The following NPNT variants were observed in gnomAD, a reference collection of about 807,000 sequenced individuals.
The protein encoded by NPNT is preosteoblast EGF-like repeat protein with MAM domain.
In NPNT, 45 loss-of-function variants were observed where a neutral mutation model predicts 68.6. The observed-to-expected ratio is 0.66, with a 90% CI of 0.52 to 0.84. NPNT has a LOEUF of 0.84. Ranked by LOEUF, NPNT falls within the 40% of genes least tolerant of loss-of-function variation. NPNT has a pLI of 0.00. For missense variants in NPNT, 672 were observed against 714.8 expected, an observed-to-expected ratio of 0.94 and a Z score of 0.68; for synonymous variants, 233 against 253.3, an observed-to-expected ratio of 0.92 and a Z score of 0.76.
Position 105,913,004 on chromosome 4 carries a change from A to T in NPNT, c.173-14332A>T, listed in dbSNP as rs150017983. Among the ~76,000 whole-genome samples the T allele has an allele frequency of 2.9e-3, 439 of 152,142 alleles. 1 individual carries two copies. The highest frequency in any genetic ancestry group is 1.0e-2 in the African/African-American group (415 of 41,516). ...AGCCTCAGGCTCCTGAGTAGCTGGG[A>T]TTACAGGCGCCCACCACAATGCCCG... On this transcript the variant is annotated intron_variant, in intron 2 of 11. Coordinates refer to ENST00000379987, the MANE Select transcript of NPNT (RefSeq NM_001033047.3).
intron 7 of NPNT, among the ~76,000 whole-genome samples, chr4:105,941,367 T>C (rs1729940817): frequency 6.6e-6 from 1 of 152,070 alleles, no homozygotes; most frequent in African/African-American, 2.4e-5. Flanking sequence ...AAAAAAGCCA[T>C]TCCCATATTT....
At chr4:105,911,262 A>G (rs1727340161) in intron 2 of NPNT, among the ~76,000 whole-genome samples, 2 of 152,142 alleles carry the variant, frequency 1.3e-5, no homozygotes, top group Admixed American at 1.3e-4. Context: ...TTAAAAATAC[A>G]TAGCAATCAT....
At chr4:105,949,506 T>G (rs1047369960) in intron 8 of NPNT, among the ~76,000 whole-genome samples, 3 of 152,064 alleles carry the variant, frequency 2.0e-5, no homozygotes, top group Non-Finnish European at 1.5e-5. Flanking sequence ...AAAGCAGCTA[T>G]AAGTGGTGGT....
chr4:105,933,963 C>T (rs1205962554), intron 3 of NPNT, among the ~76,000 whole-genome samples: 1 of 152,086 alleles, frequency 6.6e-6, no homozygotes, highest in Non-Finnish European at 1.5e-5. Flanking sequence ...AAGATAAGCA[C>T]ATGAAATAAT....
At position 105,970,583 on chromosome 4, in the gene NPNT, TTAGAC is replaced by T; in HGVS notation, c.*1598_*1602del. 1 of 675,568 alleles carries T rather than the reference TTAGAC, an allele frequency of 1.5e-6. No individual in the cohort carries two copies. 41.8% of individuals were successfully genotyped at this position (675,568 alleles called of 1,614,324 possible). On this transcript the variant is annotated 3_prime_UTR_variant, in exon 12 of 12. Transcript: ENST00000379987. Reference sequence around the variant, plus strand: ...AAGAATAGAACAAGAGGAAACTGGCTTAGACTAGAGTATAAGGGAGCATTTCTTGG... The same window carrying T: ...AAGAATAGAACAAGAGGAAACTGGCTTAGAGTATAAGGGAGCATTTCTTGG...
intron 2 of NPNT, among the ~76,000 whole-genome samples, chr4:105,901,397 T>C (rs1256877680): frequency 6.6e-6 from 1 of 152,250 alleles, no homozygotes; most frequent in African/African-American, 2.4e-5. Context: ...AAAAACTATA[T>C]AGGATCTAAA....
chr4:105,960,645 A>G (rs1731649805), intron 10 of NPNT, among the ~76,000 whole-genome samples: 1 of 152,250 alleles, frequency 6.6e-6, no homozygotes, highest in African/African-American at 2.4e-5. Context: ...CCTCACACAC[A>G]GTACTCTCAG....
At chr4:105,962,009 A>G (rs1439358104) in intron 10 of NPNT, among the ~76,000 whole-genome samples, 1 of 152,182 alleles carries the variant, frequency 6.6e-6, no homozygotes, top group Non-Finnish European at 1.5e-5. Context: ...CATAGTCGAG[A>G]AACCAGTCAC....
At chr4:105,923,802 T>G (rs1032047427) in intron 2 of NPNT, among the ~76,000 whole-genome samples, 4 of 152,096 alleles carry the variant, frequency 2.6e-5, no homozygotes, top group Non-Finnish European at 4.4e-5. Context: ...CCATATCTGC[T>G]AAGGAGAATA....
intron 2 of NPNT, among the ~76,000 whole-genome samples, chr4:105,910,120 CG>C (rs1446531881): frequency 1.3e-5 from 2 of 151,578 alleles, no homozygotes; most frequent in African/African-American, 4.8e-5. Flanking sequence ...TTTCCTAACA[CG>C]GTCCAAAGTT....
intron 2 of NPNT, among the ~76,000 whole-genome samples, chr4:105,918,942 G>A (rs532237574): frequency 1.5e-4 from 23 of 152,168 alleles, no homozygotes; most frequent in African/African-American, 5.3e-4. Flanking sequence ...ATAAAAAATG[G>A]CAATGAGAGC....
chr4:105,935,550 GCTTT>G (rs1704165894), intron 3 of NPNT, among the ~76,000 whole-genome samples: 1 of 152,116 alleles, frequency 6.6e-6, no homozygotes, highest in Non-Finnish European at 1.5e-5. Context: ...TCTGCATGGC[GCTTT>G]CTGTGAGGAA....
intron 10 of NPNT, among the ~76,000 whole-genome samples, chr4:105,962,570 G>A (rs576095721): frequency 3.4e-4 from 52 of 152,238 alleles, no homozygotes; most frequent in South Asian, 2.7e-3. Flanking sequence ...TCAGATGAAA[G>A]TTGGATTAGA....
At chr4:105,963,159 A>G (rs1198675312) in intron 10 of NPNT, among the ~76,000 whole-genome samples, 1 of 152,136 alleles carries the variant, frequency 6.6e-6, no homozygotes, top group African/African-American at 2.4e-5. Context: ...TGGGAGGCAG[A>G]GCTTGCAGTG....
At chr4:105,915,253 T>C (rs1380726664) in intron 2 of NPNT, among the ~76,000 whole-genome samples, 2 of 152,056 alleles carry the variant, frequency 1.3e-5, no homozygotes, top group Non-Finnish European at 2.9e-5. Context: ...CTGGGACCTG[T>C]AGGAAGTCAA....
intron 2 of NPNT, among the ~76,000 whole-genome samples, chr4:105,913,439 G>A (rs1291159753): frequency 6.6e-6 from 1 of 152,286 alleles, no homozygotes; most frequent in Non-Finnish European, 1.5e-5. Context: ...CTGGGTTCAG[G>A]AACTGTTCCT....
rs59960189 is a variant in NPNT, at chr4:105,931,668, C to CA, written c.265+4262dup. ...TGAAACCCCATCTCTACTAAAAATA[C>CA]AAAAAAAAAAAAAAAAAAAAAATTA... On this transcript the variant is annotated intron_variant, in intron 3 of 11. Coordinates refer to ENST00000379987, the MANE Select transcript of NPNT (RefSeq NM_001033047.3). 4.6e-3 allele frequency among the ~76,000 whole-genome samples: 464 copies of CA among 99,892 alleles called. 5 individuals are homozygous for CA. The highest frequency in any genetic ancestry group is 0.014 in the African/African-American group (385 of 27,194). The allele number at this position is 99,892 out of a possible 152,430, so 65.5% of individuals were successfully genotyped here. A position where few individuals can be genotyped will look rare whatever the true frequency, so the allele number is the denominator to read the frequency against.
At chr4:105,923,996 C>T (rs544272670) in intron 2 of NPNT, among the ~76,000 whole-genome samples, 158 of 152,110 alleles carry the variant, frequency 1.0e-3, no homozygotes, top group African/African-American at 3.2e-3. Context: ...TGTAGCCCCA[C>T]GAGAACACTT....
chr4:105,901,814 C>T (rs1399928033), intron 2 of NPNT, among the ~76,000 whole-genome samples: 3 of 152,138 alleles, frequency 2.0e-5, no homozygotes, highest in Non-Finnish European at 4.4e-5. Context: ...GATAAACTTA[C>T]AGGTTAGTGA....
Sources: gnomAD v4.1 joint callset for allele counts (sites outside exome capture counted in the v4.1 genomes callset) on GRCh38, gnomAD v4.1.1 for gene constraint, MANE v1.5 for transcripts, NCBI Gene and HGNC (gene_info 2026-07-23, HGNC 2026-07-21) for gene names.